Variants in PREX2 observed in about 807,000 individuals in gnomAD.
PREX2 encodes phosphatidylinositol-3,4,5-trisphosphate dependent Rac exchange factor 2, also known as phosphatidylinositol 3,4,5-trisphosphate-dependent Rac exchanger 2 protein.
PREX2 carries 107 observed loss-of-function variants against 203.2 expected under a neutral mutation model. That is an observed-to-expected ratio of 0.53 (90% CI 0.45 to 0.62). PREX2 has a LOEUF of 0.62. Ranked by LOEUF, PREX2 falls within the 20% of genes least tolerant of loss-of-function variation. The pLI, the probability that PREX2 is intolerant of heterozygous loss-of-function variation, is 0.00. For missense variants in PREX2, 1,777 were observed against 1,955.9 expected, an observed-to-expected ratio of 0.91 and a Z score of 1.72; for synonymous variants, 672 against 663.6, an observed-to-expected ratio of 1.01 and a Z score of -0.19.
At chr8:68,114,790 C>T (rs1406246096) in intron 25 of PREX2, among the ~76,000 whole-genome samples, 2 of 152,162 alleles carry the variant, frequency 1.3e-5, no homozygotes, top group Non-Finnish European at 2.9e-5. Flanking sequence ...AAGGCCAAGA[C>T]TCCTGTTTGT....
At chr8:67,960,538 G>A (rs1805606252) in intron 1 of PREX2, among the ~76,000 whole-genome samples, 1 of 152,068 alleles carries the variant, frequency 6.6e-6, no homozygotes, top group African/African-American at 2.4e-5. Context: ...GAACTCCAGC[G>A]GGGCCTAGGG....
chr8:68,163,196 T>A (rs1395791811), intron 35 of PREX2, among the ~76,000 whole-genome samples: 1 of 152,156 alleles, frequency 6.6e-6, no homozygotes, highest in Non-Finnish European at 1.5e-5. Flanking sequence ...GTCATAAAGA[T>A]CTTATAGGTT....
chr8:68,184,080 A>G (rs1812138931), intron 35 of PREX2, among the ~76,000 whole-genome samples: 1 of 152,166 alleles, frequency 6.6e-6, no homozygotes, highest in African/African-American at 2.4e-5. Flanking sequence ...AGTAAAATGC[A>G]TACCAGAGAA....
chr8:68,106,401 C>A, intron 23 of PREX2: 1 of 467,128 alleles, frequency 2.1e-6, no homozygotes, highest in South Asian at 1.6e-5. Flanking sequence ...AAATTCCTTT[C>A]TTCAAAAAAT....
At chr8:68,191,259 G>A (rs1196662649) in intron 35 of PREX2, among the ~76,000 whole-genome samples, 2 of 152,072 alleles carry the variant, frequency 1.3e-5, no homozygotes, top group Non-Finnish European at 2.9e-5. Context: ...ATGAGCCTTC[G>A]TTCCATAATC....
intron 9 of PREX2, among the ~76,000 whole-genome samples, chr8:68,055,509 G>A (rs749606889): frequency 4.6e-5 from 7 of 151,926 alleles, no homozygotes; most frequent in South Asian, 4.2e-4. Flanking sequence ...CCAGTTCTGC[G>A]GATCTAACTC....
chr8:68,002,541 AGTGTACC>A (rs1806973492), intron 1 of PREX2, among the ~76,000 whole-genome samples: 1 of 152,210 alleles, frequency 6.6e-6, no homozygotes, highest in Non-Finnish European at 1.5e-5. Flanking sequence ...AGAAGCGTTC[AGTGTACC>A]CCTTGTAGTA....
At chr8:67,996,770 C>A (rs1027631392) in intron 1 of PREX2, among the ~76,000 whole-genome samples, 2 of 152,054 alleles carry the variant, frequency 1.3e-5, no homozygotes, top group African/African-American at 4.8e-5. Flanking sequence ...CTATTTCTAC[C>A]TTATACATAT....
chr8:67,963,301 G>T (rs946844194), intron 1 of PREX2, among the ~76,000 whole-genome samples: 1 of 152,142 alleles, frequency 6.6e-6, no homozygotes, highest in Admixed American at 6.6e-5. Flanking sequence ...GAAGGTACAT[G>T]TTCAGGGTGA....
At chr8:67,962,766 C>G (rs1487716834) in intron 1 of PREX2, among the ~76,000 whole-genome samples, 1 of 151,788 alleles carries the variant, frequency 6.6e-6, no homozygotes, top group African/African-American at 2.4e-5. Flanking sequence ...GCCACCACGC[C>G]TGGATAATTT....
chr8:68,201,931 G>A (rs1812511101), intron 37 of PREX2, among the ~76,000 whole-genome samples: 1 of 136,222 alleles, frequency 7.3e-6, no homozygotes, highest in Non-Finnish European at 1.5e-5. Context: ...TTTTGAGATG[G>A]AGTCTCGCTC....
intron 8 of PREX2, among the ~76,000 whole-genome samples, chr8:68,047,523 A>G (rs1399192992): frequency 7.1e-6 from 1 of 140,568 alleles, no homozygotes; most frequent in African/African-American, 2.7e-5. Flanking sequence ...ACATATATAT[A>G]TATGTATTTT....
rs564475960 is a variant in PREX2, at chr8:67,959,865, C to G, written c.141+7330C>G. ...GATGAACTGGTTTAAAATCCTCGCA[C>G]TGAAACTTACAAACTCTCTCTTTGG... is the stretch of plus-strand genomic sequence containing the variant. On this transcript the variant is annotated intron_variant, in intron 1 of 39. Transcript: ENST00000288368. Among the ~76,000 whole-genome samples the G allele has an allele frequency of 6.6e-5, 10 of 152,230 alleles. No homozygotes were observed. In the South Asian group the frequency reaches 2.1e-3, roughly 32 times the overall value.
chr8:68,088,718 A>G (rs1476162572), intron 19 of PREX2, among the ~76,000 whole-genome samples: 1 of 152,232 alleles, frequency 6.6e-6, no homozygotes, highest in Non-Finnish European at 1.5e-5. Context: ...ATAGACAGTT[A>G]AAATCTTCCC....
intron 23 of PREX2, 105 bp downstream of exon 23, chr8:68,099,948 AT>A: frequency 9.8e-7 from 1 of 1,019,094 alleles, no homozygotes; most frequent in Non-Finnish European, 1.6e-6. Context: ...GTTAGGTACC[AT>A]TTTACTGAGA....
chr8:68,192,542 C>A lies in PREX2; in HGVS notation c.4604+17C>A. The A allele has an allele frequency of 6.4e-7, 1 of 1,563,920 alleles. No individual in the cohort carries two copies. Among genetic ancestry groups the A allele is most frequent in the South Asian group, 1.2e-5 (1 of 85,398 alleles). The stretch of plus-strand genomic sequence containing the variant: ...TGTGCATCGGTATGTGACCCTCCCG[C>A]CTTGCTTGCCTCTTTGTTAGATCAC... On this transcript the variant is annotated intron_variant, in intron 37 of 39. Transcript: ENST00000288368.
intron 25 of PREX2, among the ~76,000 whole-genome samples, chr8:68,113,376 T>G (rs1810573504): frequency 6.6e-6 from 1 of 152,196 alleles, no homozygotes; most frequent in Admixed American, 6.5e-5. Flanking sequence ...ACTCCTGCAT[T>G]TTTTCCCTCT....
rs67614434 is a variant in PREX2, at chr8:67,975,694, C to CTTTTTTTTTTTTTTTTTTT, written c.141+23168_141+23186dup. Among the ~76,000 whole-genome samples the CTTTTTTTTTTTTTTTTTTT allele has an allele frequency of 5.3e-5, 4 of 74,990 alleles. 2 individuals are homozygous for CTTTTTTTTTTTTTTTTTTT. The highest frequency in any genetic ancestry group is 4.6e-5 in the Non-Finnish European group (2 of 43,230). The allele number at this position is 74,990 out of a possible 152,430, so 49.2% of individuals were successfully genotyped here. On this transcript the variant is annotated intron_variant, in intron 1 of 39. Coordinates refer to ENST00000288368, the MANE Select transcript of PREX2 (RefSeq NM_024870.4). ...TCAGGATAGTAACTGATTTCTCTTTCTTTTTTTTTTTTTTTTTTTTTTTTT... is the reference window on the plus strand; with the variant it reads ...TCAGGATAGTAACTGATTTCTCTTTCTTTTTTTTTTTTTTTTTTTTTTTTTTTTTTTTTTTTTTTTTTTT...
chr8:68,063,835 TTAA>T (rs1411096635), intron 11 of PREX2, among the ~76,000 whole-genome samples: 4 of 152,180 alleles, frequency 2.6e-5, no homozygotes, highest in Non-Finnish European at 4.4e-5. Context: ...CAATTTCACA[TTAA>T]TAGAATAATT....
Sources: gnomAD v4.1 joint callset for allele counts (sites outside exome capture counted in the v4.1 genomes callset) on GRCh38, gnomAD v4.1.1 for gene constraint, MANE v1.5 for transcripts, NCBI Gene and HGNC (gene_info 2026-07-23, HGNC 2026-07-21) for gene names.